The following IFT46 variants were observed in gnomAD, a reference collection of about 807,000 sequenced individuals.
IFT46 encodes intraflagellar transport 46, also known as intraflagellar transport protein 46 homolog.
A neutral mutation model predicts 39.6 loss-of-function variants in IFT46; 19 were observed. The observed-to-expected ratio is 0.48, with a 90% CI of 0.33 to 0.70. The LOEUF (loss-of-function observed/expected upper bound fraction) is 0.70. IFT46 is among the 30% of genes least tolerant of loss of function. The pLI, the probability that IFT46 is intolerant of heterozygous loss-of-function variation, is 0.01. For missense variants in IFT46, 334 were observed against 364.8 expected, an observed-to-expected ratio of 0.92 and a Z score of 0.69; for synonymous variants, 117 against 134.8, an observed-to-expected ratio of 0.87 and a Z score of 0.91.
intron 4 of IFT46, among the ~76,000 whole-genome samples, chr11:118,556,249 T>C (rs1312938080): frequency 6.6e-6 from 1 of 152,128 alleles, no homozygotes; most frequent in Non-Finnish European, 1.5e-5. Flanking sequence ...CCCAGCACTT[T>C]GGGAGGCCGA....
upstream of IFT46, among the ~76,000 whole-genome samples, chr11:118,566,854 G>A (rs989232387): frequency 6.6e-5 from 10 of 152,172 alleles, no homozygotes; most frequent in Admixed American, 5.9e-4. Context: ...TGGATGAATC[G>A]AGGAATGAGT....
chr11:118,576,711 A>T (rs185050772), upstream of IFT46, among the ~76,000 whole-genome samples: 684 of 152,312 alleles, frequency 4.5e-3, 2 homozygotes, highest in African/African-American at 0.015. Flanking sequence ...GACCTGTGTC[A>T]ACTGCCTGGA....
intron 3 of IFT46, chr11:118,558,026 T>C: frequency 1.2e-6 from 1 of 850,380 alleles, no homozygotes; most frequent in East Asian, 2.9e-5. Flanking sequence ...GTAAAGCAGC[T>C]ATTGGCACAC....
At chr11:118,545,539 G>A (rs1280096470) in intron 10 of IFT46, 45 bp from the exon 11 acceptor site, 30 of 1,466,072 alleles carry the variant, frequency 2.0e-5, no homozygotes, top group Non-Finnish European at 2.7e-5. Flanking sequence ...AACAAACTCC[G>A]GGAATTAGAG....
At chr11:118,574,044 A>T (rs1938423356), upstream of IFT46, among the ~76,000 whole-genome samples, 2 of 152,162 alleles carry the variant, frequency 1.3e-5, no homozygotes, top group African/African-American at 4.8e-5. Context: ...AGGTTCTTGG[A>T]ACTTAGTATT....
intron 5 of IFT46, 46 bp downstream of exon 5, chr11:118,555,202 G>A (rs782782834): frequency 6.4e-7 from 1 of 1,570,576 alleles, no homozygotes; most frequent in Admixed American, 1.7e-5. Flanking sequence ...AAAGGTTTGG[G>A]GCAAGGTAGG....
upstream of IFT46, among the ~76,000 whole-genome samples, chr11:118,576,338 C>G (rs1393513939): frequency 7.3e-6 from 1 of 137,894 alleles, no homozygotes; most frequent in Non-Finnish European, 1.5e-5. Flanking sequence ...GATCATCTAA[C>G]TTATGGGCCC....
chr11:118,557,637 C>T, intron 3 of IFT46: 1 of 1,362,862 alleles, frequency 7.3e-7, no homozygotes, highest in Non-Finnish European at 1.0e-6. Flanking sequence ...GAGTATCTGA[C>T]CTATCTGTAT....
At chr11:118,553,166 G>A (rs562568484) in intron 7 of IFT46, among the ~76,000 whole-genome samples, 2 of 152,186 alleles carry the variant, frequency 1.3e-5, no homozygotes, top group Middle Eastern at 6.8e-3. Flanking sequence ...TTTAGGCTGG[G>A]CTTGGTGGCT....
chr11:118,570,045 C>CAT (rs1491337626), upstream of IFT46, among the ~76,000 whole-genome samples: 4 of 113,546 alleles, frequency 3.5e-5, no homozygotes, highest in African/African-American at 1.3e-4. Context: ...CCACGCCCAG[C>CAT]TTTTTTTTTT....
intron 10 of IFT46, 103 bp from the exon 11 acceptor site, chr11:118,545,597 A>T: frequency 8.7e-7 from 1 of 1,144,196 alleles, no homozygotes; most frequent in Non-Finnish European, 1.3e-6. Flanking sequence ...GGGTGTCGCT[A>T]TGACTTTGGG....
upstream of IFT46, chr11:118,573,806 G>T (rs561221335): frequency 2.0e-6 from 1 of 499,982 alleles, no homozygotes; most frequent in Non-Finnish European, 3.6e-6. Context: ...CATCAAACAG[G>T]TTTGCCTCCT....
intron 9 of IFT46, among the ~76,000 whole-genome samples, chr11:118,548,228 G>A (rs1345801201): frequency 6.6e-6 from 1 of 150,628 alleles, no homozygotes. Flanking sequence ...TGCTTGGACG[G>A]TAATTTTTTC....
chr11:118,544,970 A>G lies in IFT46; in HGVS notation c.861T>C (p.Pro287=), dbSNP rs2135457871. 1 of 1,613,866 alleles carries G rather than the reference A, an allele frequency of 6.2e-7. No individual in the cohort carries two copies. The highest frequency in any genetic ancestry group is 2.2e-5 in the East Asian group (1 of 44,894). Reference sequence around the variant, plus strand: ...CAGCTTGGGAGGTGGAATTGGATGAAGGAGTGAATGCTTTCTTGCCTTCAG... The same window carrying G: ...CAGCTTGGGAGGTGGAATTGGATGAGGGAGTGAATGCTTTCTTGCCTTCAG... ...ALAEGKKAFT[P]SSNSTSQAGD... Residue 287 remains proline, a synonymous_variant, in exon 12 of 12, where the codon CCT becomes CCC. Coordinates refer to ENST00000264021, the MANE Select transcript of IFT46 (RefSeq NM_001168618.2).
intron 7 of IFT46, 62 bp from the exon 8 acceptor site, chr11:118,552,397 G>C: frequency 6.3e-7 from 1 of 1,586,800 alleles, no homozygotes; most frequent in Non-Finnish European, 8.6e-7. Flanking sequence ...TTTTTACAGT[G>C]TCTCATTATA....
intron 7 of IFT46, 107 bp from the exon 8 acceptor site, chr11:118,552,442 C>T: frequency 7.6e-7 from 1 of 1,314,004 alleles, no homozygotes; most frequent in East Asian, 2.3e-5. Context: ...TTGCTGATGA[C>T]AGCTGCTGCC....
chr11:118,562,317 G>A (rs924026992), intron 2 of IFT46, among the ~76,000 whole-genome samples: 11 of 151,558 alleles, frequency 7.3e-5, no homozygotes, highest in African/African-American at 2.2e-4. Context: ...GCATGGGCTG[G>A]TAGTCCCAGC....
upstream of IFT46, among the ~76,000 whole-genome samples, chr11:118,566,780 T>G (rs1471148910): frequency 6.6e-6 from 1 of 152,264 alleles, no homozygotes; most frequent in Admixed American, 6.5e-5. Flanking sequence ...CTGTGTCTAA[T>G]TAATTTTTAA....
intron 9 of IFT46, among the ~76,000 whole-genome samples, chr11:118,550,856 G>A (rs1454652447): frequency 4.7e-5 from 7 of 149,904 alleles, no homozygotes; most frequent in African/African-American, 1.7e-4. Flanking sequence ...GTGAAACCCC[G>A]TCTCTACTAA....
Sources: allele counts gnomAD v4.1 joint callset (sites outside exome capture counted in the v4.1 genomes callset), GRCh38; gene constraint gnomAD v4.1.1; transcripts MANE v1.5; gene names NCBI Gene and HGNC (gene_info 2026-07-23, HGNC 2026-07-21).